The following NEDD4 variants were observed in gnomAD, a reference collection of about 807,000 sequenced individuals.
NEDD4 encodes E3 ubiquitin-protein ligase NEDD4.
Under a neutral mutation model 144.9 loss-of-function variants are expected in NEDD4, and 99 were observed. The observed-to-expected ratio is 0.68, with a 90% CI of 0.58 to 0.81. The LOEUF (loss-of-function observed/expected upper bound fraction) is 0.81. Ranked by LOEUF, NEDD4 falls within the 30% of genes least tolerant of loss-of-function variation. The pLI is 0.00. For missense variants in NEDD4, 985 were observed against 1,065.9 expected, an observed-to-expected ratio of 0.92 and a Z score of 1.06; for synonymous variants, 318 against 350.6, an observed-to-expected ratio of 0.91 and a Z score of 1.04.
chr15:55,830,053 C>A, intron 28 of NEDD4, 54 bp from the exon 29 acceptor site: 1 of 1,219,968 alleles, frequency 8.2e-7, no homozygotes, highest in East Asian at 2.3e-5. Context: ...GCAAGTACCA[C>A]CACAGCAAAC....
chr15:55,872,500 A>C, intron 6 of NEDD4, 24 bp from the exon 7 acceptor site: 1 of 1,134,280 alleles, frequency 8.8e-7, no homozygotes, highest in Non-Finnish European at 1.2e-6. Flanking sequence ...GTGGGTTTTC[A>C]AAATATATCT....
At chr15:55,944,054 A>G (rs2037060004) in intron 4 of NEDD4, among the ~76,000 whole-genome samples, 1 of 152,204 alleles carries the variant, frequency 6.6e-6, no homozygotes, top group Non-Finnish European at 1.5e-5. Flanking sequence ...TCCTGTCTGC[A>G]GCTCCCGGTA....
intron 4 of NEDD4, among the ~76,000 whole-genome samples, chr15:55,932,573 A>G (rs1256201788): frequency 2.0e-5 from 3 of 152,232 alleles, no homozygotes; most frequent in Non-Finnish European, 4.4e-5. Flanking sequence ...ACCCTAGAAG[A>G]AAAGCTAGGC....
At chr15:55,965,798 T>G (rs1417035788) in intron 2 of NEDD4, among the ~76,000 whole-genome samples, 1 of 151,878 alleles carries the variant, frequency 6.6e-6, no homozygotes, top group Non-Finnish European at 1.5e-5. Flanking sequence ...GCCTCCTGGG[T>G]TCAAGCGATT....
chr15:55,880,065 T>G (rs545011672), intron 5 of NEDD4, among the ~76,000 whole-genome samples: 115 of 152,164 alleles, frequency 7.6e-4, no homozygotes, highest in Non-Finnish European at 1.4e-3. Context: ...AGGCCAAGGA[T>G]GGCGGATCAT....
At chr15:55,943,141 A>G (rs1224945715) in intron 4 of NEDD4, among the ~76,000 whole-genome samples, 1 of 152,240 alleles carries the variant, frequency 6.6e-6, no homozygotes, top group Non-Finnish European at 1.5e-5. Flanking sequence ...ATATGCTTAT[A>G]TGCATTCACA....
At position 55,882,371 on chromosome 15, in the gene NEDD4, G is replaced by A. The variant is rs114502110; in HGVS notation, c.292-8363C>T. Among the ~76,000 whole-genome samples the A allele has an allele frequency of 3.3e-3, 502 of 152,286 alleles. 3 individuals carry two copies. Among genetic ancestry groups the A allele is most frequent in the African/African-American group, 0.011 (455 of 41,556 alleles). On this transcript the variant is annotated intron_variant, in intron 5 of 28. Coordinates refer to ENST00000435532, the MANE Select transcript of NEDD4 (RefSeq NM_006154.4). ...AATCCGTGCACTTAGGGTTGGGAGA[G>A]CTCAGTGACAGTGGGACTTTGCATT...
In NEDD4 at chr15:55,852,524, C is replaced by A. The variant is rs1189137707; in HGVS notation, c.1046G>T (p.Gly349Val). 1 of 1,612,704 alleles carries A rather than the reference C, an allele frequency of 6.2e-7. No individual in the cohort carries two copies. ...TLPVLLPTSS[G>V]LPPGWEEKQD... ...TTTTTCTTCCCAACCTGGTGGTAAT[C>A]CAGATGAAGTAGGCAAAAGCTAAAG... The change falls in exon 13 of 29, where the codon GGA (glycine) becomes GTA (valine). Residue 349 changes from glycine to valine, a missense_variant. Coordinates refer to ENST00000435532, the MANE Select transcript of NEDD4 (RefSeq NM_006154.4).
chr15:55,873,844 AAAG>A (rs1173290299), intron 6 of NEDD4, 111 bp downstream of exon 6: 1 of 460,464 alleles, frequency 2.2e-6, no homozygotes, highest in Non-Finnish European at 3.8e-6. Flanking sequence ...TCAATAAATA[AAAG>A]TAGTATACAT....
intron 4 of NEDD4, among the ~76,000 whole-genome samples, chr15:55,932,789 C>G (rs1353395179): frequency 1.3e-5 from 2 of 152,036 alleles, no homozygotes; most frequent in Non-Finnish European, 2.9e-5. Flanking sequence ...GGGCTAATAT[C>G]CAAAATCTAC....
At chr15:55,851,106 G>A (rs889004317) in intron 13 of NEDD4, among the ~76,000 whole-genome samples, 1 of 152,178 alleles carries the variant, frequency 6.6e-6, no homozygotes, top group Non-Finnish European at 1.5e-5. Flanking sequence ...GGGAGCTCTC[G>A]TGCCTATAGG....
chr15:55,920,996 T>A (rs1244513680), intron 5 of NEDD4, among the ~76,000 whole-genome samples: 3 of 152,148 alleles, frequency 2.0e-5, no homozygotes, highest in Non-Finnish European at 4.4e-5. Flanking sequence ...TCTAACACAG[T>A]AGATATACTA....
At chr15:55,964,114 T>C (rs565417967) in intron 2 of NEDD4, among the ~76,000 whole-genome samples, 134 of 152,302 alleles carry the variant, frequency 8.8e-4, no homozygotes, top group African/African-American at 3.1e-3. Flanking sequence ...TCCTGCTTGG[T>C]GTTTTTAAAT....
intron 5 of NEDD4, among the ~76,000 whole-genome samples, chr15:55,878,834 T>C (rs1428640543): frequency 6.6e-6 from 1 of 152,274 alleles, no homozygotes; most frequent in Non-Finnish European, 1.5e-5. Flanking sequence ...TTTGTTTTGT[T>C]TTTTTGAGAC....
chr15:55,986,582 T>A (rs2037896598), intron 1 of NEDD4, among the ~76,000 whole-genome samples: 1 of 27,694 alleles, frequency 3.6e-5, no homozygotes, highest in Non-Finnish European at 5.6e-5. Context: ...TGTCCTTGCT[T>A]TTTTTTTTTT....
Position 55,827,462 on chromosome 15 carries a change from G to A in NEDD4, c.*2435C>T, listed in dbSNP as rs1374310036. The A allele has an allele frequency of 6.6e-6, 1 of 152,148 alleles. No individual in the cohort carries two copies. Among genetic ancestry groups the A allele is most frequent in the Non-Finnish European group, 1.5e-5 (1 of 68,028 alleles). 9.4% of individuals were successfully genotyped at this position (152,148 alleles called of 1,614,324 possible). ...TGAGTCTGGTCTCATTTAACATCATGTTCTATGAGTCACAGAATCATCCAA... is the reference window on the plus strand; with the variant it reads ...TGAGTCTGGTCTCATTTAACATCATATTCTATGAGTCACAGAATCATCCAA... On this transcript the variant is annotated 3_prime_UTR_variant, in exon 29 of 29. Transcript: ENST00000435532.
rs1428411367 is a variant in NEDD4, at chr15:55,978,936, A to AAC, written c.46-12391_46-12390insGT. ...TCTTGACAACGCAAAAAAAAAAAAA[A>AAC]AACAAGAACAGAAAACACAGGGCTG... On this transcript the variant is annotated intron_variant, in intron 1 of 28. Coordinates refer to ENST00000435532, the MANE Select transcript of NEDD4 (RefSeq NM_006154.4). Among the ~76,000 whole-genome samples, 15 of 151,392 alleles carry AAC rather than the reference A, an allele frequency of 9.9e-5. No homozygotes were observed. In the East Asian group the frequency reaches 2.9e-3, roughly 29 times the overall value.
chr15:55,924,016 C>T (rs922026709), intron 5 of NEDD4, among the ~76,000 whole-genome samples: 5 of 152,058 alleles, frequency 3.3e-5, no homozygotes, highest in Admixed American at 6.6e-5. Context: ...ATTGGATCCT[C>T]AGAGACAAAA....
chr15:55,871,074 T>TC (rs1160117181), intron 7 of NEDD4, among the ~76,000 whole-genome samples: 1 of 152,198 alleles, frequency 6.6e-6, no homozygotes, highest in African/African-American at 2.4e-5. Context: ...TCTGTATGGT[T>TC]CTCATGGATT....
Sources: gnomAD v4.1 joint callset for allele counts (sites outside exome capture counted in the v4.1 genomes callset) on GRCh38, gnomAD v4.1.1 for gene constraint, MANE v1.5 for transcripts, NCBI Gene and HGNC (gene_info 2026-07-23, HGNC 2026-07-21) for gene names.